COG2: variants seen among roughly 807,000 people sequenced by gnomAD.
COG2 encodes the protein conserved oligomeric Golgi complex subunit 2.
In COG2, 52 loss-of-function variants were observed where a neutral mutation model predicts 90.6. That is an observed-to-expected ratio of 0.57 (90% CI 0.46 to 0.72). COG2 has a LOEUF of 0.72. COG2 is among the 30% of genes least tolerant of loss of function. The probability of loss-of-function intolerance (pLI) is 0.00; values close to 1 mark genes in which losing one functional copy is unlikely to be tolerated. For synonymous variants in COG2, 337 were observed against 320.4 expected, an observed-to-expected ratio of 1.05 and a Z score of -0.55; for missense variants, 829 against 891.2, an observed-to-expected ratio of 0.93 and a Z score of 0.89.
In COG2 at chr1:230,683,643, C is replaced by T. The variant is rs773091235; in HGVS notation, c.1228+8C>T. ...TCCTGGAAGATGCCCCAGGTAACTC[C>T]CTTAAAGTGATAAGTGGCATGGTAT... On this transcript the variant is annotated splice_region_variant and intron_variant, in intron 11 of 17. Transcript: ENST00000366669. 1.3e-6 allele frequency: 2 copies of T among 1,593,134 alleles called. No homozygotes were observed. Among genetic ancestry groups the T allele is most frequent in the East Asian group, 4.5e-5 (2 of 44,808 alleles).
At position 230,667,183 on chromosome 1, in the gene COG2, G is replaced by A. The variant is rs185304334; in HGVS notation, c.486-1493G>A. Among the ~76,000 whole-genome samples, 111 of 152,294 alleles carry A rather than the reference G, an allele frequency of 7.3e-4. 1 individual carries two copies. The highest frequency in any genetic ancestry group is 1.3e-3 in the Non-Finnish European group (88 of 68,030). ...ACACCACAGTGTCTGGAACTAGTAG[G>A]TACCTAAGAAAAGATAACCAAACGT... On this transcript the variant is annotated intron_variant, in intron 5 of 17. Coordinates refer to ENST00000366669, the MANE Select transcript of COG2 (RefSeq NM_007357.3).
At chr1:230,645,960 C>T (rs181150210) in intron 1 of COG2, among the ~76,000 whole-genome samples, 1 of 152,266 alleles carries the variant, frequency 6.6e-6, no homozygotes, top group African/African-American at 2.4e-5. Flanking sequence ...CTGGGCCACC[C>T]GGTTCCCCAC....
chr1:230,675,698 AG>A (rs1387491821), intron 9 of COG2, among the ~76,000 whole-genome samples: 2 of 152,130 alleles, frequency 1.3e-5, no homozygotes, highest in Non-Finnish European at 1.5e-5. Flanking sequence ...GGTGGAGTGC[AG>A]TGGCACAATT....
chr1:230,693,117 A>G (rs1260757345), intron 17 of COG2, among the ~76,000 whole-genome samples, 175 bp from the exon 18 acceptor site: 1 of 152,252 alleles, frequency 6.6e-6, no homozygotes, highest in African/African-American at 2.4e-5. Context: ...TTTGACCCCA[A>G]AATCCTCACA....
intron 1 of COG2, among the ~76,000 whole-genome samples, chr1:230,648,489 G>T (rs937384254): frequency 6.6e-6 from 1 of 152,216 alleles, no homozygotes; most frequent in African/African-American, 2.4e-5. Flanking sequence ...CATGTGGAGC[G>T]ATTTCCTAAT....
At position 230,646,056 on chromosome 1, in the gene COG2, C is replaced by T. The variant is rs78469614; in HGVS notation, c.72+3378C>T. On this transcript the variant is annotated intron_variant, in intron 1 of 17. Coordinates refer to ENST00000366669, the MANE Select transcript of COG2 (RefSeq NM_007357.3). ...CTGGATCCGGTGCCCTCTCCCTTCT[C>T]AGGACCCTGTTATTCCCACCCTCTC... is the stretch of plus-strand genomic sequence containing the variant. Among the ~76,000 whole-genome samples, 1,025 of 152,248 alleles carry T rather than the reference C, an allele frequency of 6.7e-3. 10 individuals carry two copies. Among genetic ancestry groups the T allele is most frequent in the African/African-American group, 0.023 (948 of 41,534 alleles).
Position 230,688,097 on chromosome 1 carries a change from G to A in COG2, c.1605G>A (p.Lys535=), listed in dbSNP as rs771322159. Residue 535 remains lysine, a synonymous_variant, in exon 14 of 18, where the codon AAG becomes AAA. Transcript: ENST00000366669. ...TTCCAGAACTCTTGGAAATAATCAA[G>A]CCAAAACTTGAAATGATTGGCTTTA... ...EQLPELLEII[K]PKLEMIGFKN... is the part of the protein sequence containing the mutation. 10 of 1,601,040 alleles carry A rather than the reference G, an allele frequency of 6.2e-6. No homozygotes were observed. The South Asian group carries it at 9.2e-5, about 15-fold the overall frequency.
At chr1:230,665,288 A>T (rs979899692) in intron 5 of COG2, among the ~76,000 whole-genome samples, 1 of 152,176 alleles carries the variant, frequency 6.6e-6, no homozygotes. Flanking sequence ...TCTCTCATAT[A>T]AGGCTAATAG....
At position 230,678,406 on chromosome 1, in the gene COG2, A is replaced by G. The variant is rs907875217; in HGVS notation, c.1027-507A>G. The G allele has an allele frequency of 8.1e-6, 8 of 985,310 alleles. No homozygotes were observed. The South Asian group carries it at 1.4e-4, about 17-fold the overall frequency. 61.0% of individuals were successfully genotyped at this position (985,310 alleles called of 1,614,324 possible). ...TCACAGTGTGTCGATGATAAATGCTACGAGTTAGCTGCCACTCTTAATGGT... is the reference window on the plus strand; with the variant it reads ...TCACAGTGTGTCGATGATAAATGCTGCGAGTTAGCTGCCACTCTTAATGGT... On this transcript the variant is annotated intron_variant, in intron 9 of 17. Coordinates refer to ENST00000366669, the MANE Select transcript of COG2 (RefSeq NM_007357.3).
chr1:230,688,472 T>C lies in COG2; in HGVS notation c.1704T>C (p.Ser568=). 1 of 1,614,098 alleles carries C rather than the reference T, an allele frequency of 6.2e-7. No homozygotes were observed. Among genetic ancestry groups the C allele is most frequent in the South Asian group, 1.1e-5 (1 of 91,084 alleles). Reference sequence around the variant, plus strand: ...TTTCAGCCTGTGTGCCCTCCTTGAGTAGCAAGATCATCCAGGATTTAAGTG... The same window carrying C: ...TTTCAGCCTGTGTGCCCTCCTTGAGCAGCAAGATCATCCAGGATTTAAGTG... ...SSFSACVPSL[S]SKIIQDLSDS... Residue 568 remains serine (S), a synonymous_variant, in exon 15 of 18, where the codon AGT becomes AGC. Coordinates refer to ENST00000366669, the MANE Select transcript of COG2 (RefSeq NM_007357.3).
intron 3 of COG2, chr1:230,661,541 G>A (rs1368811127): frequency 6.6e-6 from 1 of 152,186 alleles, no homozygotes; most frequent in African/African-American, 2.4e-5. Flanking sequence ...TTCGTTGATT[G>A]CACCATTATT....
At chr1:230,658,440 G>A (rs1457109721) in intron 1 of COG2, among the ~76,000 whole-genome samples, 1 of 152,158 alleles carries the variant, frequency 6.6e-6, no homozygotes, top group Non-Finnish European at 1.5e-5. Flanking sequence ...TCCCAGAGGG[G>A]CACCTGCCAG....
intron 1 of COG2, among the ~76,000 whole-genome samples, chr1:230,658,428 C>T (rs1558269750): frequency 6.6e-6 from 1 of 152,164 alleles, no homozygotes; most frequent in Non-Finnish European, 1.5e-5. Context: ...CTGGAAGCTT[C>T]GTCCCAGAGG....
chr1:230,676,458 G>A lies in COG2; in HGVS notation c.1026+1334G>A, dbSNP rs138710937. Among the ~76,000 whole-genome samples, 490 of 152,130 alleles carry A rather than the reference G, an allele frequency of 3.2e-3. 3 individuals are homozygous for A. Among genetic ancestry groups the A allele is most frequent in the African/African-American group, 0.01 (424 of 41,494 alleles). ...TCTCGAGCCTTCTCCTGGACAATAC[G>A]CGGAACTTAGAACACATTAACACCA... On this transcript the variant is annotated intron_variant, in intron 9 of 17. Transcript: ENST00000366669.
intron 1 of COG2, among the ~76,000 whole-genome samples, chr1:230,645,233 C>CAAAAAAAAAAAAAAAAAAAAAAAAA (rs57806034): frequency 1.1e-5 from 1 of 91,062 alleles, no homozygotes; most frequent in Non-Finnish European, 2.2e-5. Context: ...GAGACCCTGT[C>CAAAAAAAAAAAAAAAAAAAAAAAAA]AAAAAAAAAA....
intron 17 of COG2, 73 bp from the exon 18 acceptor site, chr1:230,693,219 T>C: frequency 1.1e-6 from 1 of 893,798 alleles, no homozygotes; most frequent in South Asian, 1.4e-5. Flanking sequence ...GATGAAGATT[T>C]TCTTTCTTTT....
chr1:230,667,261 G>A (rs1662342844), intron 5 of COG2, among the ~76,000 whole-genome samples: 1 of 152,098 alleles, frequency 6.6e-6, no homozygotes, highest in Non-Finnish European at 1.5e-5. Context: ...TCTGTTTCTA[G>A]ACATACTCTT....
chr1:230,691,541 G>T lies in COG2; in HGVS notation c.2092G>T (p.Asp698Tyr). 1 of 1,613,960 alleles carries T rather than the reference G, an allele frequency of 6.2e-7. No individual in the cohort carries two copies. The highest frequency in any genetic ancestry group is 8.5e-7 in the Non-Finnish European group (1 of 1,179,988). Residue 698 changes from aspartate to tyrosine, a missense_variant, in exon 17 of 18, where the codon GAT becomes TAT. Transcript: ENST00000366669. ...CAAAATCAGGCTGCAGTTGGCCCTA[G>T]ATGTTGAGTACTTGGGAGAGCAGGT... ...DDKIRLQLAL[D>Y]VEYLGEQIQK...
chr1:230,693,393 A>G lies in COG2; in HGVS notation c.2217A>G (p.Ter739=), dbSNP rs1051038. ...AKDQATAEQP[*] ...ACCAGGCAACAGCAGAGCAGCCTTA[A>G]GCATCTTGGAAGATCCCGAGGTTAG... Residue 739 remains the stop codon, a stop_retained_variant, in exon 18 of 18, where the codon TAA becomes TAG. Coordinates refer to ENST00000366669, the MANE Select transcript of COG2 (RefSeq NM_007357.3). 377,161 of 1,595,614 alleles carry G rather than the reference A, an allele frequency of 0.24. 50,880 individuals carry two copies. The highest frequency in any genetic ancestry group is 0.56 in the East Asian group (24,938 of 44,628).
Sources: allele counts gnomAD v4.1 joint callset (sites outside exome capture counted in the v4.1 genomes callset), GRCh38; gene constraint gnomAD v4.1.1; transcripts MANE v1.5; gene names NCBI Gene and HGNC (gene_info 2026-07-23, HGNC 2026-07-21).